The following NOX5 variants were observed in gnomAD, a reference collection of about 807,000 sequenced individuals.
The protein encoded by NOX5 is NADPH oxidase 5.
Under a neutral mutation model 85.7 loss-of-function variants are expected in NOX5, and 76 were observed. The observed-to-expected ratio is 0.89, with a 90% CI of 0.74 to 1.07. NOX5 has a LOEUF of 1.07. NOX5 is among the 50% of genes least tolerant of loss of function. The probability of loss-of-function intolerance (pLI) is 0.00; values close to 1 mark genes in which losing one functional copy is unlikely to be tolerated. For synonymous variants in NOX5, 405 were observed against 401.4 expected (o/e 1.01, Z -0.11); for missense variants, 973 against 999.5 (o/e 0.97, Z 0.36).
chr15:69,028,382 G>T lies in NOX5; in HGVS notation c.325+17G>T. 6.3e-7 allele frequency: 1 copy of T among 1,575,674 alleles called. No homozygotes were observed. The highest frequency in any genetic ancestry group is 8.6e-7 in the Non-Finnish European group (1 of 1,158,908). On this transcript the variant is annotated intron_variant, in intron 3 of 15. Coordinates refer to ENST00000388866, the MANE Select transcript of NOX5 (RefSeq NM_024505.4). ...ACATCGATGGTAAGGGCTCTTCCTG[G>T]GTGTGGGCTGGGGTGGGGAGATCAG...
At chr15:69,054,583 G>A (rs897674756) in intron 14 of NOX5, among the ~76,000 whole-genome samples, 11 of 152,138 alleles carry the variant, frequency 7.2e-5, no homozygotes, top group East Asian at 3.9e-4. Flanking sequence ...CGCAAACATC[G>A]CGTTTGTTCT....
rs145277573 is a variant in NOX5 at position 69,033,457 on chromosome 15, C to T, written c.855+180C>T. On this transcript the variant is annotated intron_variant, in intron 5 of 15. Transcript: ENST00000388866. ...CGCCCAGAGAGGGACAGTAGCTTGT[C>T]CACAGTCACACAGCCAGTAAATAAT... Among the ~76,000 whole-genome samples the T allele has an allele frequency of 3.7e-3, 565 of 152,296 alleles. 2 individuals carry two copies. The highest frequency in any genetic ancestry group is 0.013 in the African/African-American group (546 of 41,558).
chr15:69,015,903 CA>C (rs1322998935), intron 1 of NOX5, among the ~76,000 whole-genome samples: 5 of 116,070 alleles, frequency 4.3e-5, no homozygotes, highest in African/African-American at 1.8e-4. Flanking sequence ...AAGGTCGAAG[CA>C]GAGTCATTGT....
intron 3 of NOX5, chr15:69,028,610 G>A (rs1030546457): frequency 1.4e-5 from 5 of 349,142 alleles, no homozygotes; most frequent in African/African-American, 1.0e-4. Flanking sequence ...CTCTGGCACA[G>A]GAGACAAATG....
chr15:69,015,722 T>C (rs2050223213), intron 1 of NOX5, among the ~76,000 whole-genome samples: 1 of 152,122 alleles, frequency 6.6e-6, no homozygotes, highest in African/African-American at 2.4e-5. Context: ...AGGTGAGTGC[T>C]CTTTTGGGCC....
chr15:69,046,928 C>A, intron 11 of NOX5, 62 bp downstream of exon 11: 3 of 1,571,046 alleles, frequency 1.9e-6, no homozygotes, highest in Middle Eastern at 1.7e-4. Context: ...GAAATGAAGT[C>A]TTTGCCTTTA....
rs562266071 is a variant in NOX5, at chr15:69,037,018, A to G, written c.1189-10A>G. The G allele has an allele frequency of 5.7e-6, 9 of 1,571,024 alleles. No individual in the cohort carries two copies. The highest frequency in any genetic ancestry group is 7.8e-6 in the Non-Finnish European group (9 of 1,154,430). ...GCTCTGGAAGTTGACTGCCCCCCCT[A>G]CCCCCATAGGTGTTCTATTGGACTC... is the stretch of plus-strand genomic sequence containing the variant. On this transcript the variant is annotated splice_polypyrimidine_tract_variant and intron_variant, in intron 7 of 15. Coordinates refer to ENST00000388866, the MANE Select transcript of NOX5 (RefSeq NM_024505.4).
chr15:69,035,371 C>T lies in NOX5; in HGVS notation c.873C>T (p.Arg291=), dbSNP rs766640189. Residue 291 remains arginine (R), a synonymous_variant, in exon 6 of 16, where the codon CGC becomes CGT. Coordinates refer to ENST00000388866, the MANE Select transcript of NOX5 (RefSeq NM_024505.4). The part of the protein sequence containing the change: ...CSFIAVLMLR[R]CLTWLRATWL... ...CTGGCCAGGTGCTGATGCTCAGACG[C>T]TGCCTCACCTGGCTGCGGGCCACGT... is the stretch of plus-strand genomic sequence containing the variant. The T allele has an allele frequency of 1.5e-5, 24 of 1,614,138 alleles. No homozygotes were observed. In the East Asian group the frequency reaches 5.3e-4, roughly 36 times the overall value.
At position 69,033,059 on chromosome 15, in the gene NOX5, A is replaced by ACGGCCCC. The variant is rs747569921; in HGVS notation, c.640_646dup (p.Ala216GlyfsTer183). The ACGGCCCC allele has an allele frequency of 3.3e-5, 52 of 1,553,116 alleles. No homozygotes were observed. Among genetic ancestry groups the ACGGCCCC allele is most frequent in the Admixed American group, 2.2e-4 (11 of 49,940 alleles). On this transcript the variant is annotated frameshift_variant, in exon 5 of 16. Transcript: ENST00000388866. LOFTEE classifies it high-confidence loss of function. ...CTCTCGCAGCGCTGCCCACTGGCTG[A>ACGGCCCC]CGGCCCCCGCCCCCCGCCCACGCCC...
chr15:69,044,684 G>C (rs12908110), intron 10 of NOX5, among the ~76,000 whole-genome samples: 1 of 152,188 alleles, frequency 6.6e-6, no homozygotes, highest in Non-Finnish European at 1.5e-5. Context: ...TTATGTAAAA[G>C]TGTTGTGTAT....
In NOX5 at chr15:69,028,294, C is replaced by T; in HGVS notation, c.254C>T (p.Ala85Val). The T allele has an allele frequency of 6.2e-7, 1 of 1,613,526 alleles. No individual in the cohort carries two copies. The highest frequency in any genetic ancestry group is 8.5e-7 in the Non-Finnish European group (1 of 1,179,622). ...ATCACCCTCCAGGAGCTGCAGGAGG[C>T]ACTGACCCTGCTCATCCATGGCAGC... The part of the protein sequence containing the change: ...GTITLQELQE[A>V]LTLLIHGSPM... The change falls in exon 3 of 16, where the codon GCA (alanine) becomes GTA (valine). Residue 85 changes from alanine (A) to valine (V), a missense_variant. Physicochemically the swap from Ala to Val is moderately conservative, Grantham distance 64 (BLOSUM62 0). Coordinates refer to ENST00000388866, the MANE Select transcript of NOX5 (RefSeq NM_024505.4).
intron 9 of NOX5, among the ~76,000 whole-genome samples, chr15:69,042,163 C>T (rs2050603246): frequency 6.6e-6 from 1 of 152,102 alleles, no homozygotes; most frequent in South Asian, 2.1e-4. Context: ...TGGTACCACT[C>T]AGCAGAAGAG....
At chr15:69,028,474 C>T in intron 3 of NOX5, 109 bp downstream of exon 3, 1 of 1,123,280 alleles carries the variant, frequency 8.9e-7, no homozygotes, top group Non-Finnish European at 1.2e-6. Flanking sequence ...GCCTCCTGAG[C>T]CCAGCCTGGG....
At chr15:69,027,583 C>T (rs762996820) in intron 2 of NOX5, among the ~76,000 whole-genome samples, 1 of 152,168 alleles carries the variant, frequency 6.6e-6, no homozygotes, top group Non-Finnish European at 1.5e-5. Flanking sequence ...ATCTTTGGGA[C>T]ACCCATCATC....
In NOX5 at chr15:69,042,645, C is replaced by G. The variant is rs767497537; in HGVS notation, c.1505-18C>G. 5 of 1,609,182 alleles carry G rather than the reference C, an allele frequency of 3.1e-6. No individual in the cohort carries two copies. In the South Asian group the frequency reaches 5.5e-5, roughly 18 times the overall value. ...TCACTATGGACCTCCTTTCCCCTCCCACTCTTCTCTTTCTCAGACACTATC... is the reference window on the plus strand; with the variant it reads ...TCACTATGGACCTCCTTTCCCCTCCGACTCTTCTCTTTCTCAGACACTATC... On this transcript the variant is annotated intron_variant, in intron 9 of 15. Coordinates refer to ENST00000388866, the MANE Select transcript of NOX5 (RefSeq NM_024505.4).
At chr15:69,047,168 A>T (rs2140276390) in intron 11 of NOX5, 1 of 575,836 alleles carries the variant, frequency 1.7e-6, no homozygotes, top group Non-Finnish European at 3.0e-6. Flanking sequence ...CACCCCAGGG[A>T]TGCGAATTGG....
At chr15:69,051,395 C>CT (rs781056249) in intron 14 of NOX5, among the ~76,000 whole-genome samples, 85 of 148,042 alleles carry the variant, frequency 5.7e-4, no homozygotes, top group Middle Eastern at 3.5e-3. Flanking sequence ...GTAAATTTTT[C>CT]TTTTTTTTTT....
intron 1 of NOX5, among the ~76,000 whole-genome samples, chr15:69,015,304 TC>T (rs1050578131): frequency 6.6e-6 from 1 of 152,130 alleles, no homozygotes; most frequent in African/African-American, 2.4e-5. Context: ...ACTCTGGCTG[TC>T]CCAGTCTCTT....
In NOX5 at chr15:69,031,507, A is replaced by G; in HGVS notation, c.326-11A>G. On this transcript the variant is annotated splice_polypyrimidine_tract_variant and intron_variant, in intron 3 of 15. Transcript: ENST00000388866. ...GGTGGGTAAACAGAAGAGGCCCACCACTTCTTGCAGTGTGTGCACGGCAGG... is the reference window on the plus strand; with the variant it reads ...GGTGGGTAAACAGAAGAGGCCCACCGCTTCTTGCAGTGTGTGCACGGCAGG... 6.3e-7 allele frequency: 1 copy of G among 1,594,162 alleles called. No individual in the cohort carries two copies. The highest frequency in any genetic ancestry group is 1.7e-5 in the Admixed American group (1 of 59,684).
Sources: allele counts gnomAD v4.1 joint callset (sites outside exome capture counted in the v4.1 genomes callset), GRCh38; gene constraint gnomAD v4.1.1; transcripts MANE v1.5; gene names NCBI Gene and HGNC (gene_info 2026-07-23, HGNC 2026-07-21).